Variants in NF2 observed in about 807,000 individuals in gnomAD.
NF2 encodes merlin.
NF2 carries 8 observed loss-of-function variants against 83.7 expected under a neutral mutation model. The observed-to-expected ratio is 0.10, with a 90% CI of 0.06 to 0.17. The LOEUF (loss-of-function observed/expected upper bound fraction) is 0.17, where lower values mean the gene tolerates loss of function less well. NF2 is among the 10% of genes least tolerant of loss of function. The pLI is 1.00. For missense variants in NF2, 533 were observed against 744.4 expected, an observed-to-expected ratio of 0.72 and a Z score of 3.31; for synonymous variants, 266 against 269.6, an observed-to-expected ratio of 0.99 and a Z score of 0.13.
intron 1 of NF2, among the ~76,000 whole-genome samples, chr22:29,631,286 C>T (rs1224972731): frequency 6.6e-6 from 1 of 152,184 alleles, no homozygotes. Flanking sequence ...TATTGTCAGC[C>T]CCTTCACCAC....
chr22:29,673,399 G>A lies in NF2; in HGVS notation c.1253G>A (p.Arg418His), dbSNP rs548217466. 27 of 1,612,272 alleles carry A rather than the reference G, an allele frequency of 1.7e-5. No homozygotes were observed. The highest frequency in any genetic ancestry group is 1.4e-4 in the South Asian group (13 of 90,266). Residue 418 changes from arginine (R) to histidine (H), a missense_variant, in exon 12 of 16, where the codon CGC becomes CAC. This residue lies in a region of NF2 where 199 missense variants were observed against 240.7 expected (regional missense o/e 0.83). Transcript: ENST00000338641. ...CAGCGCATCAAGGCCACAGCGATTC[G>A]CACGGAGGAGGAGAAGCGCCTGATG... Reference protein sequence around the residue: ...EMQRIKATAIRTEEEKRLMEQ... With the variant: ...EMQRIKATAIHTEEEKRLMEQ...
chr22:29,692,749 C>T (rs1412590370), intron 15 of NF2, among the ~76,000 whole-genome samples: 1 of 152,226 alleles, frequency 6.6e-6, no homozygotes, highest in Non-Finnish European at 1.5e-5. Context: ...CAGGGCTCCT[C>T]CCTCCCCAGG....
At chr22:29,623,647 G>A (rs990556067) in intron 1 of NF2, among the ~76,000 whole-genome samples, 2 of 152,148 alleles carry the variant, frequency 1.3e-5, no homozygotes, top group Admixed American at 6.5e-5. Context: ...CTCAGTCTCC[G>A]AAGTCAGTCA....
intron 4 of NF2, 60 bp downstream of exon 4, chr22:29,642,345 T>G: frequency 7.6e-7 from 1 of 1,323,852 alleles, no homozygotes; most frequent in Non-Finnish European, 1.1e-6. Context: ...ATGGGATCAC[T>G]CCTATCTTCT....
At chr22:29,683,471 C>G in intron 15 of NF2, 1 of 1,200,662 alleles carries the variant, frequency 8.3e-7, no homozygotes. Flanking sequence ...AACTCAAGAT[C>G]AAGACCTTTT....
chr22:29,606,702 G>A (rs987451329), intron 1 of NF2, among the ~76,000 whole-genome samples: 26 of 152,304 alleles, frequency 1.7e-4, no homozygotes, highest in African/African-American at 5.8e-4. Context: ...TTGCTGGAAA[G>A]AATTGGGGAA....
intron 4 of NF2, among the ~76,000 whole-genome samples, chr22:29,644,263 C>CTGCAATCTCGGCACTTTGGGAGGCCAA (rs1481358539): frequency 1.4e-5 from 2 of 146,278 alleles, no homozygotes; most frequent in Admixed American, 6.8e-5. Flanking sequence ...CGGGCAGAGG[C>CTGCAATCTCGGCACTTTGGGAGGCCAA]GCTCCTCACA....
chr22:29,655,445 G>A (rs2066271741), intron 5 of NF2, 149 bp from the exon 6 acceptor site: 7 of 686,394 alleles, frequency 1.0e-5, no homozygotes, highest in South Asian at 1.7e-5. Flanking sequence ...TTATTTACAC[G>A]CCCTCTCTCT....
chr22:29,639,007 A>G, intron 2 of NF2, 83 bp from the exon 3 acceptor site: 1 of 1,594,752 alleles, frequency 6.3e-7, no homozygotes, highest in Non-Finnish European at 8.6e-7. Flanking sequence ...AATTTAATGC[A>G]CGCCTTGCAA....
At chr22:29,647,229 C>T (rs1050889408) in intron 4 of NF2, among the ~76,000 whole-genome samples, 2 of 151,938 alleles carry the variant, frequency 1.3e-5, no homozygotes, top group Non-Finnish European at 2.9e-5. Context: ...GTGCAGACTC[C>T]TAGTGATCAG....
At position 29,694,721 on chromosome 22, in the gene NF2, C is replaced by A; in HGVS notation, c.1738-31C>A. Reference sequence around the variant, plus strand: ...TGTGTGACAGAGCGGAGGTCTTGTGCCCTCTCAGCTTCTTCTCTGCTTTCT... The same window carrying A: ...TGTGTGACAGAGCGGAGGTCTTGTGACCTCTCAGCTTCTTCTCTGCTTTCT... On this transcript the variant is annotated intron_variant, in intron 15 of 15. Coordinates refer to ENST00000338641, the MANE Select transcript of NF2 (RefSeq NM_000268.4). The surrounding 1 kb of genome is among the most constrained non-coding windows in gnomAD (Gnocchi z 4.1). 6.2e-7 allele frequency: 1 copy of A among 1,611,482 alleles called. No homozygotes were observed. Among genetic ancestry groups the A allele is most frequent in the Non-Finnish European group, 8.5e-7 (1 of 1,178,588 alleles).
intron 10 of NF2, among the ~76,000 whole-genome samples, chr22:29,669,315 GA>G (rs1373103721): frequency 6.6e-6 from 1 of 152,144 alleles, no homozygotes; most frequent in Non-Finnish European, 1.5e-5. Flanking sequence ...GTTGGACAAA[GA>G]AATCCTACTG....
chr22:29,624,835 TTCTTTCTTTCTTTC>T (rs1022111584), intron 1 of NF2, among the ~76,000 whole-genome samples: 1 of 150,008 alleles, frequency 6.7e-6, no homozygotes, highest in Non-Finnish European at 1.5e-5. Flanking sequence ...CTTTCTTTCT[TTCTTTCTTTCTTTC>T]TTTCTTTCTT....
chr22:29,650,488 G>A (rs1024650239), intron 4 of NF2, among the ~76,000 whole-genome samples: 1 of 152,000 alleles, frequency 6.6e-6, no homozygotes, highest in Non-Finnish European at 1.5e-5. Flanking sequence ...AACCGTTTAT[G>A]ACTTGCCTAC....
chr22:29,617,413 A>G (rs901056321), intron 1 of NF2, among the ~76,000 whole-genome samples: 2 of 151,962 alleles, frequency 1.3e-5, no homozygotes, highest in African/African-American at 2.4e-5. Flanking sequence ...GCTGTCTTGT[A>G]TGTTCTAGGA....
In NF2 at chr22:29,608,066, G is replaced by A. The variant is rs575067136; in HGVS notation, c.114+3954G>A. Among the ~76,000 whole-genome samples the A allele has an allele frequency of 1.1e-3, 158 of 150,302 alleles. 1 individual carries two copies. Among genetic ancestry groups the A allele is most frequent in the Middle Eastern group, 3.4e-3 (1 of 290 alleles). On this transcript the variant is annotated intron_variant, in intron 1 of 15. Coordinates refer to ENST00000338641, the MANE Select transcript of NF2 (RefSeq NM_000268.4). ...CCGGCACCTGTAGTCCCAGCTACGC[G>A]GGAGGCTGAGGCAGGAGAATTCCTT...
At chr22:29,684,300 G>T (rs2067220994) in intron 15 of NF2, 1 of 152,224 alleles carries the variant, frequency 6.6e-6, no homozygotes, top group Non-Finnish European at 1.5e-5. Flanking sequence ...GAGCAGGGCA[G>T]TTATGGCCAG....
chr22:29,687,018 G>A (rs902836756), intron 15 of NF2, among the ~76,000 whole-genome samples: 1 of 152,148 alleles, frequency 6.6e-6, no homozygotes, highest in African/African-American at 2.4e-5. Flanking sequence ...TTGGTGTGGC[G>A]TAACTGTACC....
chr22:29,630,290 A>G (rs17460259), intron 1 of NF2, among the ~76,000 whole-genome samples: 14,349 of 152,258 alleles, frequency 0.094, 868 homozygotes, highest in South Asian at 0.15. Context: ...GCTGTGGAAC[A>G]TAAGTGCTTA....
Sources: gnomAD v4.1 joint callset for allele counts (sites outside exome capture counted in the v4.1 genomes callset) on GRCh38, gnomAD v4.1.1 for gene constraint, gnomAD v4.1.1 regional missense constraint, Gnocchi (gnomAD v3.1) non-coding constraint, MANE v1.5 for transcripts, NCBI Gene and HGNC (gene_info 2026-07-23, HGNC 2026-07-21) for gene names.